Variants in TAF3 observed in about 807,000 individuals in gnomAD.
The protein encoded by TAF3 is TATA-box binding protein associated factor 3, also known as transcription initiation factor TFIID subunit 3.
TAF3 carries 7 observed loss-of-function variants against 80.6 expected under a neutral mutation model. The ratio of observed to expected loss-of-function variants is 0.09; its 90% CI spans 0.05 to 0.16. The LOEUF (loss-of-function observed/expected upper bound fraction) is 0.16, where lower values mean the gene tolerates loss of function less well. Ranked by LOEUF, TAF3 falls within the 10% of genes least tolerant of loss-of-function variation. The pLI, the probability that TAF3 is intolerant of heterozygous loss-of-function variation, is 1.00. For synonymous variants in TAF3, 444 were observed against 446.1 expected (o/e 1.00, Z 0.06); for missense variants, 921 against 1,140.2 (o/e 0.81, Z 2.77).
intron 2 of TAF3, among the ~76,000 whole-genome samples, chr10:7,866,924 A>G (rs895678223): frequency 6.6e-6 from 1 of 152,208 alleles, no homozygotes; most frequent in South Asian, 2.1e-4. Flanking sequence ...TTTTAGATCA[A>G]TGTGCAATTT....
rs143928482 is a variant in TAF3, at chr10:7,911,755, T to G, written c.410-52165T>G. 5.2e-4 allele frequency among the ~76,000 whole-genome samples: 79 copies of G among 152,346 alleles called. 1 individual carries two copies. Among genetic ancestry groups the G allele is most frequent in the African/African-American group, 1.7e-3 (71 of 41,582 alleles). On this transcript the variant is annotated intron_variant, in intron 2 of 6. Coordinates refer to ENST00000344293, the MANE Select transcript of TAF3 (RefSeq NM_031923.4). ...AAAATTTTACGTAACAAATAAGCAG[T>G]GTTTACATCTTTCTTTAGAAATTTG...
chr10:8,008,238 A>T (rs1832016200), intron 4 of TAF3, among the ~76,000 whole-genome samples: 1 of 151,820 alleles, frequency 6.6e-6, no homozygotes, highest in Non-Finnish European at 1.5e-5. Flanking sequence ...CTGGAATTAC[A>T]GGTGCACGCC....
intron 2 of TAF3, among the ~76,000 whole-genome samples, chr10:7,856,497 T>G (rs1327580802): frequency 2.0e-5 from 3 of 151,940 alleles, no homozygotes; most frequent in African/African-American, 4.8e-5. Flanking sequence ...AATAAAAAAA[T>G]AGATTTTAAA....
At position 7,846,153 on chromosome 10, in the gene TAF3, T is replaced by G. The variant is rs566073114; in HGVS notation, c.409+21593T>G. Among the ~76,000 whole-genome samples, 36 of 152,220 alleles carry G rather than the reference T, an allele frequency of 2.4e-4. No individual in the cohort carries two copies. The South Asian group carries it at 3.7e-3, about 16-fold the overall frequency. On this transcript the variant is annotated intron_variant, in intron 2 of 6. Coordinates refer to ENST00000344293, the MANE Select transcript of TAF3 (RefSeq NM_031923.4). ...TTTTGTGTTTTGGTAGAGATGGGGT[T>G]TCACCGTGTTAGCCAGGACGGTCTC...
chr10:8,007,287 A>C (rs1216272043), intron 4 of TAF3, among the ~76,000 whole-genome samples: 1 of 152,170 alleles, frequency 6.6e-6, no homozygotes, highest in African/African-American at 2.4e-5. Flanking sequence ...CTAGTTGCAG[A>C]GGACAACTGG....
At chr10:7,889,503 T>C (rs1262859492) in intron 2 of TAF3, among the ~76,000 whole-genome samples, 1 of 152,112 alleles carries the variant, frequency 6.6e-6, no homozygotes, top group African/African-American at 2.4e-5. Flanking sequence ...AGGTAGTAAA[T>C]GGCAGAGACT....
intron 4 of TAF3, among the ~76,000 whole-genome samples, chr10:8,008,775 C>T (rs536945325): frequency 1.3e-3 from 198 of 152,304 alleles, no homozygotes; most frequent in African/African-American, 4.6e-3. Flanking sequence ...GCCGTCAGAG[C>T]TTCTGCCCCA....
At chr10:7,890,768 A>G (rs1837450806) in intron 2 of TAF3, among the ~76,000 whole-genome samples, 1 of 152,208 alleles carries the variant, frequency 6.6e-6, no homozygotes, top group Non-Finnish European at 1.5e-5. Flanking sequence ...GTTTATTTTT[A>G]AGATACTTCC....
chr10:7,968,219 A>G (rs1262588710), intron 3 of TAF3, among the ~76,000 whole-genome samples: 15 of 152,174 alleles, frequency 9.9e-5, no homozygotes, highest in Non-Finnish European at 2.2e-4. Flanking sequence ...AAGCTGCCCC[A>G]AGAAAATGTT....
intron 4 of TAF3, among the ~76,000 whole-genome samples, chr10:7,994,964 C>T (rs1377426466): frequency 1.3e-4 from 18 of 137,972 alleles, no homozygotes; most frequent in African/African-American, 4.6e-4. Flanking sequence ...AGCAAGACTC[C>T]GTCTCAAAAA....
chr10:7,977,279 T>C lies in TAF3; in HGVS notation c.2271T>C (p.Val757=). 1 of 1,614,206 alleles carries C rather than the reference T, an allele frequency of 6.2e-7. No homozygotes were observed. Among genetic ancestry groups the C allele is most frequent in the Non-Finnish European group, 8.5e-7 (1 of 1,180,030 alleles). The change falls in exon 4 of 7, where the codon GTT becomes GTC. Residue 757 remains valine (V), a synonymous_variant. Coordinates refer to ENST00000344293, the MANE Select transcript of TAF3 (RefSeq NM_031923.4). ...VEPVALAPSP[V]IPRLTLRVGA... ...CAGTCGCTCTGGCCCCGAGTCCAGT[T>C]ATCCCCAGATTAACTCTCCGAGTCG...
intron 2 of TAF3, among the ~76,000 whole-genome samples, chr10:7,950,580 A>G (rs1838072621): frequency 6.6e-6 from 1 of 152,230 alleles, no homozygotes; most frequent in Non-Finnish European, 1.5e-5. Flanking sequence ...CTTTTAAGTC[A>G]GTAGTCCGTA....
chr10:7,921,800 T>A (rs953286936), intron 2 of TAF3, among the ~76,000 whole-genome samples: 1 of 152,140 alleles, frequency 6.6e-6, no homozygotes, highest in Admixed American at 6.5e-5. Flanking sequence ...GAAGAAAATT[T>A]GGAAGACTGA....
chr10:7,951,694 C>T (rs556659388), intron 2 of TAF3, among the ~76,000 whole-genome samples: 1 of 152,320 alleles, frequency 6.6e-6, no homozygotes, highest in South Asian at 2.1e-4. Flanking sequence ...TACAGTCTGA[C>T]TCGTACTTCT....
In TAF3 at chr10:7,965,613, GAAAAAGGAC is replaced by G. The variant is rs752414487; in HGVS notation, c.2112_2120del (p.Asp704_Lys706del). 5.0e-5 allele frequency: 79 copies of G among 1,584,028 alleles called. No homozygotes were observed. Among genetic ancestry groups the G allele is most frequent in the African/African-American group, 1.4e-5 (1 of 72,110 alleles). The stretch of plus-strand genomic sequence containing the variant: ...AAGAGAAGGTGAAGGAGAAAGAAAA[GAAAAAGGAC>G]AAAAAGGAGAAGAAGAAAAAGAAGG... On this transcript the variant is annotated inframe_deletion, in exon 3 of 7. Transcript: ENST00000344293.
chr10:7,929,847 A>G (rs1021506389), intron 2 of TAF3, among the ~76,000 whole-genome samples: 1 of 152,182 alleles, frequency 6.6e-6, no homozygotes, highest in Non-Finnish European at 1.5e-5. Flanking sequence ...AGGCATGACA[A>G]GAAAAGAGAA....
chr10:7,863,156 C>T (rs556563596), intron 2 of TAF3, among the ~76,000 whole-genome samples: 4 of 152,204 alleles, frequency 2.6e-5, no homozygotes, highest in African/African-American at 9.6e-5. Context: ...CATTTCAGAC[C>T]CTTTATGATT....
At chr10:7,871,988 A>G (rs1279865687) in intron 2 of TAF3, among the ~76,000 whole-genome samples, 2 of 152,240 alleles carry the variant, frequency 1.3e-5, no homozygotes, top group African/African-American at 2.4e-5. Context: ...TTTCAAAACT[A>G]TAAATTTAAT....
At chr10:7,848,911 A>G (rs1473719718) in intron 2 of TAF3, among the ~76,000 whole-genome samples, 2 of 152,290 alleles carry the variant, frequency 1.3e-5, no homozygotes, top group East Asian at 3.9e-4. Context: ...ACAGCCTGTT[A>G]GTAAACATAT....
Sources: gnomAD v4.1 joint callset for allele counts (sites outside exome capture counted in the v4.1 genomes callset) on GRCh38, gnomAD v4.1.1 for gene constraint, MANE v1.5 for transcripts, NCBI Gene and HGNC (gene_info 2026-07-23, HGNC 2026-07-21) for gene names.